Variants in SOAT1 observed in about 807,000 individuals in gnomAD.
SOAT1 encodes the protein acyl-coenzyme A:cholesterol acyltransferase 1.
Under a neutral mutation model 69.5 loss-of-function variants are expected in SOAT1, and 55 were observed. The observed-to-expected ratio is 0.79, with a 90% CI of 0.64 to 0.99. The LOEUF is 0.99. Ranked by LOEUF, SOAT1 falls within the 50% of genes least tolerant of loss-of-function variation. The pLI is 0.00. For missense variants in SOAT1, 580 were observed against 669.3 expected, an observed-to-expected ratio of 0.87 and a Z score of 1.47; for synonymous variants, 231 against 224.7, an observed-to-expected ratio of 1.03 and a Z score of -0.25.
chr1:179,339,921 A>C (rs540256911), intron 6 of SOAT1, among the ~76,000 whole-genome samples: 345 of 152,270 alleles, frequency 2.3e-3, no homozygotes, highest in African/African-American at 7.9e-3. Context: ...TCTGCAAGCA[A>C]AGGCTGATTG....
chr1:179,300,284 C>T (rs1664791912), intron 1 of SOAT1, among the ~76,000 whole-genome samples: 1 of 151,972 alleles, frequency 6.6e-6, no homozygotes, highest in South Asian at 2.1e-4. Flanking sequence ...TTGAGGCTGT[C>T]CCTCAAAGTT....
intron 15 of SOAT1, among the ~76,000 whole-genome samples, chr1:179,352,809 C>T (rs1177904888): frequency 6.6e-6 from 1 of 151,978 alleles, no homozygotes; most frequent in African/African-American, 2.4e-5. Flanking sequence ...TAGGCTGCCT[C>T]AACTCTCCCT....
intron 2 of SOAT1, among the ~76,000 whole-genome samples, chr1:179,323,178 A>G (rs751983555): frequency 4.0e-5 from 6 of 151,830 alleles, no homozygotes. Flanking sequence ...CTAATTTCCC[A>G]TGCTGTCAGA....
rs1330551161 is a variant in SOAT1, at chr1:179,355,731, C to T, written c.*2090C>T. 6.6e-6 allele frequency: 1 copy of T among 152,314 alleles called. No individual in the cohort carries two copies. Among genetic ancestry groups the T allele is most frequent in the East Asian group, 1.9e-4 (1 of 5,192 alleles). 9.4% of individuals were successfully genotyped at this position (152,314 alleles called of 1,614,324 possible). A position where few individuals can be genotyped will look rare whatever the true frequency, so the allele number is the denominator to read the frequency against. On this transcript the variant is annotated 3_prime_UTR_variant, in exon 16 of 16. Transcript: ENST00000367619. The stretch of plus-strand genomic sequence containing the variant: ...TGTATTTTTAGTAGAGATGGGGTTT[C>T]ACCCTGTTGGTCAGGCTGGTCTCAA...
intron 14 of SOAT1, 75 bp from the exon 15 acceptor site, chr1:179,351,242 C>G: frequency 2.3e-6 from 3 of 1,290,908 alleles, no homozygotes; most frequent in Non-Finnish European, 3.3e-6. Context: ...TGGGGTTTCA[C>G]CATGTTGGCC....
intron 2 of SOAT1, among the ~76,000 whole-genome samples, chr1:179,319,344 A>C (rs1282957056): frequency 6.8e-6 from 1 of 147,198 alleles, no homozygotes; most frequent in East Asian, 2.0e-4. Flanking sequence ...ATCTCGGCTC[A>C]CTGCAACCTC....
chr1:179,331,799 A>C (rs1382875862), intron 3 of SOAT1, among the ~76,000 whole-genome samples: 1 of 152,182 alleles, frequency 6.6e-6, no homozygotes, highest in Non-Finnish European at 1.5e-5. Context: ...AGTCCTAAGC[A>C]CTGTATTACC....
At chr1:179,329,395 C>T (rs1176668669) in intron 3 of SOAT1, among the ~76,000 whole-genome samples, 1 of 152,020 alleles carries the variant, frequency 6.6e-6, no homozygotes, top group Non-Finnish European at 1.5e-5. Context: ...AAGAGTTTCT[C>T]ACCATGTTTT....
intron 7 of SOAT1, among the ~76,000 whole-genome samples, chr1:179,341,536 CT>C (rs774077684): frequency 0.019 from 2,660 of 138,910 alleles, 53 homozygotes; most frequent in African/African-American, 0.062. Flanking sequence ...TTACGTTGAA[CT>C]TTTTTTTTTT....
intron 2 of SOAT1, among the ~76,000 whole-genome samples, chr1:179,319,013 CCA>C (rs1665495993): frequency 6.6e-6 from 1 of 152,100 alleles, no homozygotes; most frequent in Non-Finnish European, 1.5e-5. Flanking sequence ...CGAGGAACTT[CCA>C]GACTGTTTTT....
At chr1:179,344,427 T>C (rs1449825841) in intron 10 of SOAT1, among the ~76,000 whole-genome samples, 1 of 141,566 alleles carries the variant, frequency 7.1e-6, no homozygotes, top group Non-Finnish European at 1.5e-5. Flanking sequence ...GATGCTGGAG[T>C]GCAGTGATGC....
chr1:179,296,492 C>T (rs1180340267), intron 1 of SOAT1, among the ~76,000 whole-genome samples: 1 of 152,066 alleles, frequency 6.6e-6, no homozygotes, highest in Non-Finnish European at 1.5e-5. Context: ...CTTTGTTTTG[C>T]ATTTTTTTTG....
intron 1 of SOAT1, among the ~76,000 whole-genome samples, chr1:179,297,343 C>A (rs1664683543): frequency 6.6e-6 from 1 of 151,976 alleles, no homozygotes; most frequent in Non-Finnish European, 1.5e-5. Flanking sequence ...CTGTCCTTTT[C>A]TTTTCTTTTT....
chr1:179,319,314 G>A (rs1042264345), intron 2 of SOAT1, among the ~76,000 whole-genome samples: 1 of 147,532 alleles, frequency 6.8e-6, no homozygotes, highest in African/African-American at 2.5e-5. Flanking sequence ...GTGTCACCCA[G>A]GCTGGAGAGC....
At chr1:179,336,193 T>G (rs1460204006) in intron 4 of SOAT1, among the ~76,000 whole-genome samples, 1 of 148,282 alleles carries the variant, frequency 6.7e-6, no homozygotes, top group African/African-American at 2.5e-5. Flanking sequence ...TCAGGTGTGG[T>G]GGCTCATACC....
At chr1:179,328,118 G>A (rs1665850237) in intron 3 of SOAT1, among the ~76,000 whole-genome samples, 1 of 152,090 alleles carries the variant, frequency 6.6e-6, no homozygotes, top group Non-Finnish European at 1.5e-5. Context: ...GTTTTTAACA[G>A]AAACAAGGTC....
At chr1:179,353,217 A>ATATATAAATATATATATATTTATATATT (rs1666803751) in intron 15 of SOAT1, among the ~76,000 whole-genome samples, 2 of 119,696 alleles carry the variant, frequency 1.7e-5, no homozygotes, top group South Asian at 4.9e-4. Context: ...AAATATATAT[A>ATATATAAATATATATATATTTATATATT]TATATATCTA....
rs140419222 is a variant in SOAT1 at position 179,324,117 on chromosome 1, C to G, written c.177+622C>G. ...TGGCCAGTTTGACTATATAAACATC[C>G]GGTGATGAAGATGAAGTAGCCCTGT... is the stretch of plus-strand genomic sequence containing the variant. On this transcript the variant is annotated intron_variant, in intron 3 of 15. Transcript: ENST00000367619. 5.8e-3 allele frequency among the ~76,000 whole-genome samples: 877 copies of G among 152,196 alleles called. 13 individuals are homozygous for G. Among genetic ancestry groups the G allele is most frequent in the African/African-American group, 0.02 (844 of 41,508 alleles).
rs778286126 is a variant in SOAT1, at chr1:179,344,993, G to A, written c.1034G>A (p.Cys345Tyr). ...FYVYYIFERL[C>Y]APLFRNIKQE... is the part of the protein sequence containing the mutation. ...GTGTACTACATCTTTGAAAGGCTTTGTGCCCCCTTGTTTCGGAATATCAAA... is the reference window on the plus strand; with the variant it reads ...GTGTACTACATCTTTGAAAGGCTTTATGCCCCCTTGTTTCGGAATATCAAA... The change falls in exon 11 of 16, where the codon TGT (cysteine) becomes TAT (tyrosine). Residue 345 changes from cysteine (C) to tyrosine (Y), a missense_variant. Physicochemically the swap from Cys to Tyr is radical, Grantham distance 194. Transcript: ENST00000367619. 4 of 1,613,960 alleles carry A rather than the reference G, an allele frequency of 2.5e-6. No homozygotes were observed. The highest frequency in any genetic ancestry group is 3.4e-6 in the Non-Finnish European group (4 of 1,179,950).
Sources: allele counts gnomAD v4.1 joint callset (sites outside exome capture counted in the v4.1 genomes callset), GRCh38; gene constraint gnomAD v4.1.1; transcripts MANE v1.5; gene names NCBI Gene and HGNC (gene_info 2026-07-23, HGNC 2026-07-21).